The following CSMD1 variants were observed in gnomAD, a reference collection of about 807,000 sequenced individuals.
CSMD1 encodes the protein CUB and sushi domain-containing protein 1.
CSMD1 carries 213 observed loss-of-function variants against 417.5 expected under a neutral mutation model. That is an observed-to-expected ratio of 0.51 (90% CI 0.46 to 0.57). The LOEUF (loss-of-function observed/expected upper bound fraction) is 0.57, where lower values mean the gene tolerates loss of function less well. CSMD1 is among the 20% of genes least tolerant of loss of function. CSMD1 has a pLI of 0.00. For missense variants in CSMD1, 6,923 were observed against 4,529.7 expected (o/e 1.53, Z -15.17); for synonymous variants, 2,862 against 1,736.8 (o/e 1.65, Z -16.11).
chr8:4,970,976 A>G (rs1411910921), intron 1 of CSMD1, among the ~76,000 whole-genome samples: 4 of 152,150 alleles, frequency 2.6e-5, no homozygotes, highest in African/African-American at 9.7e-5. Context: ...CAGAAGAATA[A>G]TAAGAGTGTT....
At chr8:4,405,646 C>T (rs1387516509) in intron 3 of CSMD1, among the ~76,000 whole-genome samples, 1 of 152,174 alleles carries the variant, frequency 6.6e-6, no homozygotes, top group East Asian at 1.9e-4. Context: ...CTTGGCATTG[C>T]ATTATCCTCG....
At chr8:4,457,442 T>C (rs1468755522) in intron 2 of CSMD1, among the ~76,000 whole-genome samples, 1 of 151,976 alleles carries the variant, frequency 6.6e-6, no homozygotes, top group African/African-American at 2.4e-5. Context: ...AAAACAAACA[T>C]AATGCATTGA....
intron 33 of CSMD1, among the ~76,000 whole-genome samples, chr8:3,192,017 T>A (rs1796454568): frequency 6.6e-6 from 1 of 152,200 alleles, no homozygotes; most frequent in African/African-American, 2.4e-5. Context: ...TTATTTTCTG[T>A]TGAATCAGAC....
At chr8:3,038,705 G>A (rs764660386) in intron 50 of CSMD1, among the ~76,000 whole-genome samples, 47 of 151,730 alleles carry the variant, frequency 3.1e-4, no homozygotes, top group African/African-American at 8.9e-4. Context: ...AAAAAAATTC[G>A]CTTAAGTATT....
chr8:3,972,236 C>G (rs1813139953), intron 5 of CSMD1, among the ~76,000 whole-genome samples: 1 of 152,104 alleles, frequency 6.6e-6, no homozygotes, highest in Non-Finnish European at 1.5e-5. Context: ...AAAAAAAGAA[C>G]TTCAATTAAA....
chr8:4,342,071 G>C (rs1800507944), intron 3 of CSMD1, among the ~76,000 whole-genome samples: 1 of 152,102 alleles, frequency 6.6e-6, no homozygotes, highest in Non-Finnish European at 1.5e-5. Context: ...AGATCCTGCA[G>C]TTCAAGTAGC....
intron 3 of CSMD1, among the ~76,000 whole-genome samples, chr8:4,326,292 A>G (rs1799559591): frequency 1.3e-5 from 2 of 152,194 alleles, no homozygotes; most frequent in Admixed American, 6.5e-5. Context: ...ACTCAGACAT[A>G]GCAAGGACAG....
At chr8:4,952,308 G>T (rs1307725101) in intron 1 of CSMD1, among the ~76,000 whole-genome samples, 2 of 150,720 alleles carry the variant, frequency 1.3e-5, no homozygotes, top group Non-Finnish European at 3.0e-5. Context: ...AAGTTAATTA[G>T]CCAACGCTTT....
At chr8:4,097,299 G>A (rs6990225) in intron 3 of CSMD1, among the ~76,000 whole-genome samples, 33,963 of 152,062 alleles carry the variant, frequency 0.22, 4,705 homozygotes, top group African/African-American at 0.38. Context: ...TATAAAATGG[G>A]TGATACTGAA....
At chr8:4,077,303 A>ATATATG (rs1554439894) in intron 3 of CSMD1, among the ~76,000 whole-genome samples, 8 of 81,572 alleles carry the variant, frequency 9.8e-5, no homozygotes, top group African/African-American at 2.2e-4. Context: ...ATGTGTATAT[A>ATATATG]TATATATATA....
chr8:3,277,101 C>G (rs1802349447), intron 26 of CSMD1, among the ~76,000 whole-genome samples: 2 of 152,064 alleles, frequency 1.3e-5, no homozygotes, highest in East Asian at 1.9e-4. Context: ...GAACACACAT[C>G]CAAGCTGAGA....
chr8:4,900,727 C>A (rs570287499), intron 1 of CSMD1, among the ~76,000 whole-genome samples: 3 of 152,214 alleles, frequency 2.0e-5, no homozygotes, highest in Admixed American at 1.3e-4. Flanking sequence ...CTTCCACTCA[C>A]GGAGTTAACT....
chr8:4,076,234 C>G (rs1237217273), intron 3 of CSMD1, among the ~76,000 whole-genome samples: 2 of 152,156 alleles, frequency 1.3e-5, no homozygotes, highest in Admixed American at 6.5e-5. Flanking sequence ...TCCCCCGTTT[C>G]TTGGCACTTC....
At chr8:3,032,948 T>G (rs1332279758) in intron 50 of CSMD1, among the ~76,000 whole-genome samples, 1 of 152,106 alleles carries the variant, frequency 6.6e-6, no homozygotes, top group Non-Finnish European at 1.5e-5. Flanking sequence ...CAAATTATGG[T>G]AAAAGTGCCA....
intron 23 of CSMD1, among the ~76,000 whole-genome samples, chr8:3,323,448 C>CT (rs1806284489): frequency 6.6e-6 from 1 of 150,596 alleles, no homozygotes; most frequent in African/African-American, 2.4e-5. Flanking sequence ...CATTCTGAAC[C>CT]CCTCTCTCTC....
intron 3 of CSMD1, among the ~76,000 whole-genome samples, chr8:4,372,321 G>A (rs1033317403): frequency 3.3e-5 from 5 of 152,096 alleles, no homozygotes; most frequent in Non-Finnish European, 7.4e-5. Flanking sequence ...AACAGACTGT[G>A]GTAGCATTAA....
At chr8:3,453,063 G>T (rs886671179) in intron 12 of CSMD1, among the ~76,000 whole-genome samples, 9 of 152,118 alleles carry the variant, frequency 5.9e-5, no homozygotes, top group Non-Finnish European at 1.2e-4. Context: ...TATGTGTCGA[G>T]GAATTTATCC....
chr8:3,487,402 C>A (rs932669032), intron 11 of CSMD1, among the ~76,000 whole-genome samples: 1 of 152,062 alleles, frequency 6.6e-6, no homozygotes, highest in Non-Finnish European at 1.5e-5. Flanking sequence ...AGGGTTTCAC[C>A]ATGTTAGCCA....
intron 50 of CSMD1, among the ~76,000 whole-genome samples, chr8:3,036,873 G>C (rs1207086119): frequency 6.6e-6 from 1 of 151,982 alleles, no homozygotes; most frequent in African/African-American, 2.4e-5. Context: ...TGGTTACATG[G>C]ATAAGTTATC....
Sources: allele counts gnomAD v4.1 joint callset (sites outside exome capture counted in the v4.1 genomes callset), GRCh38; gene constraint gnomAD v4.1.1; transcripts MANE v1.5; gene names NCBI Gene and HGNC (gene_info 2026-07-23, HGNC 2026-07-21).